Variants in FAM111A observed in about 807,000 individuals in gnomAD.
FAM111A encodes serine protease FAM111A.
FAM111A carries 8 observed loss-of-function variants against 3.3 expected under a neutral mutation model. That is an observed-to-expected ratio of 2.39 (90% CI 1.40 to 4.32). FAM111A has a LOEUF of 4.32. Ranked by LOEUF, FAM111A falls within the 30% of genes most tolerant of loss-of-function variation. The pLI, the probability that FAM111A is intolerant of heterozygous loss-of-function variation, is 0.00. For synonymous variants in FAM111A, 227 were observed against 243.1 expected (o/e 0.93, Z 0.62); for missense variants, 683 against 727.6 (o/e 0.94, Z 0.71).
intron 5 of FAM111A, among the ~76,000 whole-genome samples, 185 bp from the exon 6 acceptor site, chr11:59,151,563 CAG>C (rs1861662418): frequency 1.3e-5 from 2 of 152,268 alleles, no homozygotes; most frequent in East Asian, 3.9e-4. Flanking sequence ...GTTTATCTGA[CAG>C]AGGTTATAGG....
chr11:59,154,927 A>G lies in FAM111A; in HGVS notation c.*1423A>G, dbSNP rs1012146111. 6 of 152,896 alleles carry G rather than the reference A, an allele frequency of 3.9e-5. No individual in the cohort carries two copies. The highest frequency in any genetic ancestry group is 3.3e-4 in the Admixed American group (5 of 15,282). The allele number at this position is 152,896 out of a possible 1,614,324, so 9.5% of individuals were successfully genotyped here. A position where few individuals can be genotyped will look rare whatever the true frequency, so the allele number is the denominator to read the frequency against. On this transcript the variant is annotated 3_prime_UTR_variant, in exon 6 of 6. Coordinates refer to ENST00000675163, the MANE Select transcript of FAM111A (RefSeq NM_001312909.2). ...ATATGACTAGCTACACGTTTTGCCA[A>G]AAATGCTTGTTATATAAAGGGTACT...
chr11:59,148,626 G>A (rs543114667), intron 4 of FAM111A, 171 bp from the exon 5 acceptor site: 157 of 458,594 alleles, frequency 3.4e-4, no homozygotes, highest in African/African-American at 2.9e-3. Context: ...TGAAGTGCCT[G>A]ACACGCAGTG....
rs1200389318 is a variant in FAM111A at position 59,154,047 on chromosome 11, A to T, written c.*543A>T. The T allele has an allele frequency of 1.3e-5, 2 of 152,264 alleles. No individual in the cohort carries two copies. Among genetic ancestry groups the T allele is most frequent in the African/African-American group, 4.8e-5 (2 of 41,424 alleles). The allele number at this position is 152,264 out of a possible 1,614,324, so 9.4% of individuals were successfully genotyped here. A position where few individuals can be genotyped will look rare whatever the true frequency, so the allele number is the denominator to read the frequency against. Reference sequence around the variant, plus strand: ...TATTTTAAAGTCAAGCAATGGGAAGAATAACAAGATTATATAGTAATCAGT... The same window carrying T: ...TATTTTAAAGTCAAGCAATGGGAAGTATAACAAGATTATATAGTAATCAGT... On this transcript the variant is annotated 3_prime_UTR_variant, in exon 6 of 6. Transcript: ENST00000675163.
Position 59,153,700 on chromosome 11 carries a change from C to CA in FAM111A, c.*199dup. Reference sequence around the variant, plus strand: ...ACTATGAGATGGACTATAACTTGCCCAAATTTTTTTTTTTTTTTTGAGACT... The same window carrying CA: ...ACTATGAGATGGACTATAACTTGCCCAAAATTTTTTTTTTTTTTTTGAGACT... On this transcript the variant is annotated 3_prime_UTR_variant, in exon 6 of 6. Coordinates refer to ENST00000675163, the MANE Select transcript of FAM111A (RefSeq NM_001312909.2). The CA allele has an allele frequency of 6.6e-6, 3 of 456,234 alleles. No homozygotes were observed. The highest frequency in any genetic ancestry group is 3.8e-6 in the Non-Finnish European group (1 of 265,406). 28.3% of individuals were successfully genotyped at this position (456,234 alleles called of 1,614,324 possible). A position where few individuals can be genotyped will look rare whatever the true frequency, so the allele number is the denominator to read the frequency against.
intron 4 of FAM111A, among the ~76,000 whole-genome samples, chr11:59,146,135 A>G (rs1860865889): frequency 6.6e-6 from 1 of 151,574 alleles, no homozygotes; most frequent in Non-Finnish European, 1.5e-5. Flanking sequence ...CTCAGGCTGG[A>G]GGGCAGTGGT....
rs760810037 is a variant in FAM111A, at chr11:59,153,507, A to G, written c.*3A>G. ...TGATGAGTGATGAGGACTTGTGAGA[A>G]TTCAGTCTACTGGATTTAAGGGAAT... On this transcript the variant is annotated 3_prime_UTR_variant, in exon 6 of 6. Transcript: ENST00000675163. The G allele has an allele frequency of 1.3e-6, 2 of 1,588,796 alleles. No individual in the cohort carries two copies. The highest frequency in any genetic ancestry group is 2.3e-5 in the South Asian group (2 of 86,866).
chr11:59,145,681 C>G (rs952065862), intron 3 of FAM111A, 146 bp from the exon 4 acceptor site: 1 of 152,194 alleles, frequency 6.6e-6, no homozygotes, highest in Non-Finnish European at 1.5e-5. Flanking sequence ...CCCGGATCCT[C>G]TCTCAAACTT....
At chr11:59,146,218 G>T (rs1302589461) in intron 4 of FAM111A, among the ~76,000 whole-genome samples, 1 of 151,986 alleles carries the variant, frequency 6.6e-6, no homozygotes, top group Non-Finnish European at 1.5e-5. Flanking sequence ...CCAAGTAGCT[G>T]GGATTACAGG....
In FAM111A at chr11:59,153,293, G is replaced by A. The variant is rs191855704; in HGVS notation, c.1625G>A (p.Gly542Asp). Residue 542 changes from glycine (G) to aspartate (D), a missense_variant, in exon 6 of 6, where the codon GGC becomes GAC. Physicochemically the swap from Gly to Asp is moderately conservative, Grantham distance 94 (BLOSUM62 -1). Around this residue, in one of 3 missense-constraint regions of FAM111A, gnomAD observed 122 missense variants for 110.9 expected, o/e 1.10. Transcript: ENST00000675163. ...YDTEFFFGAS[G>D]SPVFDSKGSL... ...ACTGAATTTTTCTTTGGGGCTTCCG[G>A]CTCCCCTGTGTTTGATTCAAAAGGT... The A allele has an allele frequency of 2.7e-5, 43 of 1,614,120 alleles. No individual in the cohort carries two copies. In the Admixed American group the frequency reaches 5.3e-4, roughly 20 times the overall value.
At position 59,153,426 on chromosome 11, in the gene FAM111A, G is replaced by A. The variant is rs144353692; in HGVS notation, c.1758G>A (p.Lys586=). ...STMESILLDI[K]QRHKPWYEEV... is the part of the protein sequence containing the mutation. Reference sequence around the variant, plus strand: ...TGGAATCCATCCTCCTTGATATTAAGCAAAGACATAAACCATGGTATGAAG... The same window carrying A: ...TGGAATCCATCCTCCTTGATATTAAACAAAGACATAAACCATGGTATGAAG... Residue 586 remains lysine (K), a synonymous_variant, in exon 6 of 6, where the codon AAG becomes AAA. Coordinates refer to ENST00000675163, the MANE Select transcript of FAM111A (RefSeq NM_001312909.2). The A allele has an allele frequency of 6.3e-4, 1,011 of 1,613,876 alleles. 5 individuals are homozygous for A. The highest frequency in any genetic ancestry group is 3.5e-4 in the Non-Finnish European group (416 of 1,179,890).
Position 59,153,403 on chromosome 11 carries a change from G to T in FAM111A, c.1735G>T (p.Glu579Ter), listed in dbSNP as rs1291015982. 4.3e-6 allele frequency: 7 copies of T among 1,613,928 alleles called. No individual in the cohort carries two copies. The highest frequency in any genetic ancestry group is 5.9e-6 in the Non-Finnish European group (7 of 1,180,004). Residue 579 changes from glutamate to a stop codon, truncating the protein, a stop_gained, in exon 6 of 6, where the codon GAA becomes TAA. Transcript: ENST00000675163. LOFTEE classifies it low-confidence loss of function (END_TRUNC). Reference sequence around the variant, plus strand: ...TATCATTGAGTTTGGCTCTACCATGGAATCCATCCTCCTTGATATTAAGCA... The same window carrying T: ...TATCATTGAGTTTGGCTCTACCATGTAATCCATCCTCCTTGATATTAAGCA... ...RSIIEFGSTM[E>*]SILLDIKQRH...
rs1216519709 is a variant in FAM111A, at chr11:59,153,952, A to G, written c.*448A>G. 1 of 151,362 alleles carries G rather than the reference A, an allele frequency of 6.6e-6. No individual in the cohort carries two copies. 9.4% of individuals were successfully genotyped at this position (151,362 alleles called of 1,614,324 possible). On this transcript the variant is annotated 3_prime_UTR_variant, in exon 6 of 6. Coordinates refer to ENST00000675163, the MANE Select transcript of FAM111A (RefSeq NM_001312909.2). Reference sequence around the variant, plus strand: ...CGGGTCTCGAACTCCTGACCTCGTGATCCACCTGCCTCGGCCTTCCAAAGT... The same window carrying G: ...CGGGTCTCGAACTCCTGACCTCGTGGTCCACCTGCCTCGGCCTTCCAAAGT...
rs762175832 is a variant in FAM111A at position 59,152,614 on chromosome 11, A to T, written c.946A>T (p.Lys316Ter). Residue 316 changes from lysine to a stop codon, truncating the protein, a stop_gained, in exon 6 of 6, where the codon AAA becomes TAA. Coordinates refer to ENST00000675163, the MANE Select transcript of FAM111A (RefSeq NM_001312909.2). LOFTEE classifies it low-confidence loss of function (END_TRUNC). ...TGAAAAAATCATTGAAAACTTCAAG[A>T]AAAAAATGAAAGTAAAAAATGGGGA... The part of the protein sequence containing the change: ...ESEKIIENFK[K>*]KMKVKNGETL... 1.1e-5 allele frequency: 18 copies of T among 1,613,520 alleles called. No individual in the cohort carries two copies. The highest frequency in any genetic ancestry group is 1.3e-5 in the Non-Finnish European group (15 of 1,179,942).
chr11:59,151,601 A>T (rs1048131198), intron 5 of FAM111A, 149 bp from the exon 6 acceptor site: 1 of 604,958 alleles, frequency 1.7e-6, no homozygotes. Context: ...TTTGGATCCC[A>T]TGTCAAACAC....
chr11:59,149,119 A>C, intron 5 of FAM111A, 166 bp downstream of exon 5: 1 of 592,620 alleles, frequency 1.7e-6, no homozygotes, highest in South Asian at 2.1e-5. Flanking sequence ...TATACTTTAA[A>C]TCATCTCTGG....
chr11:59,143,794 T>C (rs1044739492), intron 3 of FAM111A, 99 bp downstream of exon 3: 1 of 152,224 alleles, frequency 6.6e-6, no homozygotes, highest in African/African-American at 2.4e-5. Flanking sequence ...TCAACATACA[T>C]TTACTATTTC....
At position 59,152,050 on chromosome 11, in the gene FAM111A, G is replaced by A. The variant is rs1255792186; in HGVS notation, c.382G>A (p.Val128Met). Residue 128 changes from valine to methionine, a missense_variant, in exon 6 of 6, where the codon GTG becomes ATG. Coordinates refer to ENST00000675163, the MANE Select transcript of FAM111A (RefSeq NM_001312909.2). ...IETHQGQEMLVRGTEGIKEYI... is the reference protein window; with the variant it reads ...IETHQGQEMLMRGTEGIKEYI... ...AACTCACCAAGGCCAAGAAATGCTT[G>A]TGCGTGGCACAGAAGGAATCAAAGA... 6.2e-7 allele frequency: 1 copy of A among 1,614,218 alleles called. No homozygotes were observed. The highest frequency in any genetic ancestry group is 2.2e-5 in the East Asian group (1 of 44,888).
chr11:59,144,445 A>G (rs1175997296), intron 3 of FAM111A: 2 of 152,232 alleles, frequency 1.3e-5, no homozygotes, highest in Non-Finnish European at 2.9e-5. Flanking sequence ...CCAGATTTTT[A>G]AAAGCTTTTT....
Position 59,153,648 on chromosome 11 carries a change from G to A in FAM111A, c.*144G>A, listed in dbSNP as rs1184976773. On this transcript the variant is annotated 3_prime_UTR_variant, in exon 6 of 6. Transcript: ENST00000675163. ...TCCTATCTGCCAGGCATTTTTCTAA[G>A]CACATGAAGAAATTAGTCCTAACAA... The A allele has an allele frequency of 9.1e-6, 6 of 659,964 alleles. No individual in the cohort carries two copies. In the East Asian group the frequency reaches 1.7e-4, roughly 19 times the overall value. The allele number at this position is 659,964 out of a possible 1,614,324, so 40.9% of individuals were successfully genotyped here. A position where few individuals can be genotyped will look rare whatever the true frequency, so the allele number is the denominator to read the frequency against.
Sources: allele counts gnomAD v4.1 joint callset (sites outside exome capture counted in the v4.1 genomes callset), GRCh38; gene constraint gnomAD v4.1.1; regional missense constraint gnomAD v4.1.1; transcripts MANE v1.5; gene names NCBI Gene and HGNC (gene_info 2026-07-23, HGNC 2026-07-21).